ALOX12B: variants seen among roughly 807,000 people sequenced by gnomAD.
ALOX12B encodes arachidonate 12-lipoxygenase, 12R type.
A neutral mutation model predicts 78.9 loss-of-function variants in ALOX12B; 47 were observed. The ratio of observed to expected loss-of-function variants is 0.60; its 90% CI spans 0.47 to 0.76. The LOEUF (loss-of-function observed/expected upper bound fraction) is 0.76, where lower values mean the gene tolerates loss of function less well. ALOX12B is among the 30% of genes least tolerant of loss of function. The probability of loss-of-function intolerance (pLI) is 0.00; values close to 1 mark genes in which losing one functional copy is unlikely to be tolerated. For synonymous variants in ALOX12B, 370 were observed against 374.5 expected (o/e 0.99, Z 0.14); for missense variants, 805 against 922.6 (o/e 0.87, Z 1.65).
chr17:8,077,074 G>A lies in ALOX12B; in HGVS notation c.1191C>T (p.Ala397=). ...YAEFYSHEAI[A]HLLETHLIAE... ...CAATGAGGTGTGTCTCCAGCAGGTGGGCGATGGCCTCGTGGCTGTAGAACT... is the reference window on the plus strand; with the variant it reads ...CAATGAGGTGTGTCTCCAGCAGGTGAGCGATGGCCTCGTGGCTGTAGAACT... The change falls in exon 9 of 15, where the codon GCC becomes GCT. Residue 397 remains alanine (A), a synonymous_variant. Transcript: ENST00000647874. 6.2e-7 allele frequency: 1 copy of A among 1,614,050 alleles called. No homozygotes were observed. Among genetic ancestry groups the A allele is most frequent in the Non-Finnish European group, 8.5e-7 (1 of 1,180,012 alleles).
In ALOX12B at chr17:8,075,643, A is replaced by G; in HGVS notation, c.1606T>C (p.Trp536Arg). The G allele has an allele frequency of 6.2e-7, 1 of 1,614,136 alleles. No homozygotes were observed. The highest frequency in any genetic ancestry group is 8.5e-7 in the Non-Finnish European group (1 of 1,180,022). Reference sequence around the variant, plus strand: ...CACTCTTTAAATATTTCCTGCACCCAAGACTGCAATTCCGGATCACCCTCC... The same window carrying G: ...CACTCTTTAAATATTTCCTGCACCCGAGACTGCAATTCCGGATCACCCTCC... ...AVEGDPELQS[W>R]VQEIFKECLL... is the part of the protein sequence containing the mutation. Residue 536 changes from tryptophan to arginine, a missense_variant, in exon 12 of 15, where the codon TGG (tryptophan) becomes CGG (arginine). Physicochemically the swap from Trp to Arg is moderately radical, Grantham distance 101 (BLOSUM62 -3). Coordinates refer to ENST00000647874, the MANE Select transcript of ALOX12B (RefSeq NM_001139.3).
At chr17:8,085,540 C>T (rs1978294288) in intron 2 of ALOX12B, among the ~76,000 whole-genome samples, 1 of 152,128 alleles carries the variant, frequency 6.6e-6, no homozygotes, top group African/African-American at 2.4e-5. Flanking sequence ...TAGCAAGGTG[C>T]TGGTTGGAAT....
At position 8,077,113 on chromosome 17, in the gene ALOX12B, C is replaced by T; in HGVS notation, c.1152G>A (p.Trp384Ter). ...SEWDWLLAKT[W>*]VRYAEFYSHE... ...GGCTGTAGAACTCCGCATAGCGTAC[C>T]CACGTCTTGGCTAGCAGCCAGTCCC... The change falls in exon 9 of 15, where the codon TGG becomes TGA. Residue 384 changes from tryptophan to a stop codon, truncating the protein, a stop_gained. Coordinates refer to ENST00000647874, the MANE Select transcript of ALOX12B (RefSeq NM_001139.3). LOFTEE classifies it high-confidence loss of function. 6.2e-7 allele frequency: 1 copy of T among 1,613,980 alleles called. No individual in the cohort carries two copies. The highest frequency in any genetic ancestry group is 8.5e-7 in the Non-Finnish European group (1 of 1,180,006).
intron 9 of ALOX12B, 109 bp downstream of exon 9, chr17:8,076,870 GTCCCCAGATGC>G: frequency 2.1e-6 from 3 of 1,401,164 alleles, no homozygotes; most frequent in Non-Finnish European, 2.9e-6. Flanking sequence ...CTCTCTTGTG[GTCCCCAGATGC>G]CCCCCAGGCT....
At chr17:8,076,085 C>A in intron 11 of ALOX12B, 90 bp downstream of exon 11, 3 of 1,553,874 alleles carry the variant, frequency 1.9e-6, no homozygotes, top group Admixed American at 3.4e-5. Flanking sequence ...GACACCAGAC[C>A]CACACTCAGT....
At chr17:8,073,093 A>T in intron 14 of ALOX12B, 55 bp downstream of exon 14, 1 of 1,611,382 alleles carries the variant, frequency 6.2e-7, no homozygotes, top group Non-Finnish European at 8.5e-7. Context: ...ATCCTCCCCC[A>T]TCCCCGGCTT....
chr17:8,085,611 C>T lies in ALOX12B; in HGVS notation c.352+405G>A, dbSNP rs532354437. 2.9e-4 allele frequency among the ~76,000 whole-genome samples: 44 copies of T among 152,302 alleles called. 1 individual carries two copies. In the South Asian group the frequency reaches 8.5e-3, roughly 29 times the overall value. ...GGAGTAACAGGGCGTCTTTCTGGAGCGCATATGATTGGCATCATAAATAGG... is the reference window on the plus strand; with the variant it reads ...GGAGTAACAGGGCGTCTTTCTGGAGTGCATATGATTGGCATCATAAATAGG... On this transcript the variant is annotated intron_variant, in intron 2 of 14. Transcript: ENST00000647874.
chr17:8,077,053 G>T lies in ALOX12B; in HGVS notation c.1212C>A (p.Leu404=), dbSNP rs1253005027. ...AGGCCAGGCAGAAGGCCTCAGCAAT[G>T]AGGTGTGTCTCCAGCAGGTGGGCGA... ...EAIAHLLETH[L]IAEAFCLALL... The change falls in exon 9 of 15, where the codon CTC becomes CTA. Residue 404 remains leucine (L), a synonymous_variant. Transcript: ENST00000647874. 2 of 1,614,088 alleles carry T rather than the reference G, an allele frequency of 1.2e-6. No individual in the cohort carries two copies. The highest frequency in any genetic ancestry group is 3.3e-5 in the Admixed American group (2 of 60,028).
Position 8,080,157 on chromosome 17 carries a change from C to A in ALOX12B, c.754+78G>T. The stretch of plus-strand genomic sequence containing the variant: ...CTCGCTGCCTCTCCCGTCCCACTGC[C>A]CCGAAGTCGGGGGCCTGCCTAGCAC... On this transcript the variant is annotated intron_variant, in intron 6 of 14. Transcript: ENST00000647874. This position sits in a 1 kb window ranked among gnomAD's most constrained non-coding sequence, Gnocchi z 4.8. The A allele has an allele frequency of 6.5e-7, 1 of 1,545,966 alleles. No homozygotes were observed. The highest frequency in any genetic ancestry group is 8.9e-7 in the Non-Finnish European group (1 of 1,118,458).
rs1977165424 is a variant in ALOX12B, at chr17:8,079,699, G to A, written c.927+70C>T. 2 of 1,561,176 alleles carry A rather than the reference G, an allele frequency of 1.3e-6. No individual in the cohort carries two copies. Among genetic ancestry groups the A allele is most frequent in the East Asian group, 4.8e-5 (2 of 41,652 alleles). ...TGGGACTGGCGCGGGCGCCGGAGGT[G>A]GGGAGAGACGGGGATGCCCGCGAGG... On this transcript the variant is annotated intron_variant, in intron 7 of 14. Transcript: ENST00000647874. This position sits in a 1 kb window ranked among gnomAD's most constrained non-coding sequence, Gnocchi z 6.4.
chr17:8,079,472 C>T lies in ALOX12B; in HGVS notation c.995G>A (p.Arg332Gln), dbSNP rs745360904. 8.4e-6 allele frequency: 13 copies of T among 1,551,004 alleles called. No individual in the cohort carries two copies. The African/African-American group carries it at 1.2e-4, about 15-fold the overall frequency. Reference sequence around the variant, plus strand: ...GAGGGGGGCGCAGTGGTGCTGCTTCCGGCCGCTGAGCTCCACGGTGGGGAT... The same window carrying T: ...GAGGGGGGCGCAGTGGTGCTGCTTCTGGCCGCTGAGCTCCACGGTGGGGAT... The part of the protein sequence containing the change: ...EGIPTVELSG[R>Q]KQHHCAPLCL... Residue 332 changes from arginine to glutamine, a missense_variant, in exon 8 of 15, where the codon CGG (arginine) becomes CAG (glutamine). Coordinates refer to ENST00000647874, the MANE Select transcript of ALOX12B (RefSeq NM_001139.3). This position sits in a 1 kb window ranked among gnomAD's most constrained non-coding sequence, Gnocchi z 6.4.
intron 2 of ALOX12B, 119 bp downstream of exon 2, chr17:8,085,897 G>T: frequency 8.4e-7 from 1 of 1,186,680 alleles, no homozygotes; most frequent in Non-Finnish European, 1.2e-6. Flanking sequence ...GAGCCCAGGA[G>T]TCCCTGGTGG....
In ALOX12B at chr17:8,077,250, G is replaced by A. The variant is rs1227499658; in HGVS notation, c.1072-57C>T. On this transcript the variant is annotated intron_variant, in intron 8 of 14. Transcript: ENST00000647874. ...AGGGCAGAGACCCACACACATAAAG[G>A]CCCCACCGCAGGAAGGAGGCAGAAG... The A allele has an allele frequency of 7.9e-6, 12 of 1,520,502 alleles. No homozygotes were observed. In the Admixed American group the frequency reaches 2.1e-4, roughly 27 times the overall value. The allele number at this position is 1,520,502 out of a possible 1,614,324, so 94.2% of individuals were successfully genotyped here. A position where few individuals can be genotyped will look rare whatever the true frequency, so the allele number is the denominator to read the frequency against.
chr17:8,081,022 C>G lies in ALOX12B; in HGVS notation c.435-46G>C, dbSNP rs369036010. On this transcript the variant is annotated intron_variant, in intron 3 of 14. Transcript: ENST00000647874. ...TCACCCTCATGCCCGTGCACCACCC[C>G]AGGGCAAAGGGCCAGAGCCATCACT... 6.8e-6 allele frequency: 11 copies of G among 1,612,936 alleles called. No individual in the cohort carries two copies. The Admixed American group carries it at 8.3e-5, about 12-fold the overall frequency.
At chr17:8,084,387 C>A (rs1978291399) in intron 2 of ALOX12B, among the ~76,000 whole-genome samples, 1 of 152,196 alleles carries the variant, frequency 6.6e-6, no homozygotes, top group Non-Finnish European at 1.5e-5. Context: ...TGGAGTTGTG[C>A]AACCCAGAGA....
At chr17:8,083,047 T>C (rs895900445) in intron 2 of ALOX12B, among the ~76,000 whole-genome samples, 4 of 152,202 alleles carry the variant, frequency 2.6e-5, no homozygotes, top group Admixed American at 6.5e-5. Flanking sequence ...CCTGAGGCTA[T>C]ATACAATCTT....
chr17:8,073,519 T>C, intron 13 of ALOX12B, 138 bp downstream of exon 13: 1 of 1,065,456 alleles, frequency 9.4e-7, no homozygotes, highest in Admixed American at 2.0e-5. Flanking sequence ...CGGTTTCCGT[T>C]GGGACTGGAG....
chr17:8,080,940 C>T lies in ALOX12B; in HGVS notation c.471G>A (p.Val157=). Residue 157 remains valine (V), a synonymous_variant, in exon 4 of 15, where the codon GTG becomes GTA. Coordinates refer to ENST00000647874, the MANE Select transcript of ALOX12B (RefSeq NM_001139.3). This position sits in a 1 kb window ranked among gnomAD's most constrained non-coding sequence, Gnocchi z 4.8. ...RVFLPGLPSY[V]HIPSYRPPVR... ...CCGGAGGGCGGTAACTGGGAATGTG[C>T]ACATAGCTGGGCAGGCCAGGAAGAA... 2.5e-6 allele frequency: 4 copies of T among 1,613,872 alleles called. No homozygotes were observed. The highest frequency in any genetic ancestry group is 3.4e-6 in the Non-Finnish European group (4 of 1,180,014).
rs1254657141 is a variant in ALOX12B, at chr17:8,079,802, C to T, written c.894G>A (p.Leu298=). 6.2e-7 allele frequency: 1 copy of T among 1,613,288 alleles called. No individual in the cohort carries two copies. The highest frequency in any genetic ancestry group is 1.1e-5 in the South Asian group (1 of 91,070). ...PVTDDMVAPF[L]GEGTCLQAEL... ...CCGCTTGCAAGCACGTTCCCTCGCC[C>T]AGGAACGGAGCCACCATGTCGTCTG... Residue 298 remains leucine (L), a synonymous_variant, in exon 7 of 15, where the codon CTG becomes CTA. Transcript: ENST00000647874. The surrounding 1 kb of genome is among the most constrained non-coding windows in gnomAD (Gnocchi z 6.4).
Sources: allele counts gnomAD v4.1 joint callset (sites outside exome capture counted in the v4.1 genomes callset), GRCh38; gene constraint gnomAD v4.1.1; non-coding constraint Gnocchi (gnomAD v3.1); transcripts MANE v1.5; gene names NCBI Gene and HGNC (gene_info 2026-07-23, HGNC 2026-07-21).